The following TMEM135 variants were observed in gnomAD, a reference collection of about 807,000 sequenced individuals.
TMEM135 encodes transmembrane protein 135.
In TMEM135, 30 loss-of-function variants were observed where a neutral mutation model predicts 60.3. That is an observed-to-expected ratio of 0.50 (90% CI 0.37 to 0.68). The LOEUF is 0.68. TMEM135 is among the 30% of genes least tolerant of loss of function. The pLI is 0.00. For missense variants in TMEM135, 468 were observed against 548.8 expected, an observed-to-expected ratio of 0.85 and a Z score of 1.47; for synonymous variants, 190 against 186.7, an observed-to-expected ratio of 1.02 and a Z score of -0.14.
chr11:87,142,143 G>A (rs1308117919), intron 4 of TMEM135, among the ~76,000 whole-genome samples: 2 of 152,156 alleles, frequency 1.3e-5, no homozygotes, highest in Non-Finnish European at 2.9e-5. Context: ...GAGGGCATGG[G>A]CCACAGGTGG....
At chr11:87,064,070 T>C (rs1253023581) in intron 1 of TMEM135, among the ~76,000 whole-genome samples, 5 of 152,160 alleles carry the variant, frequency 3.3e-5, no homozygotes, top group African/African-American at 1.2e-4. Context: ...CACAATTTTA[T>C]ATTGTCATGA....
chr11:87,153,681 TCC>T (rs2135262781), intron 4 of TMEM135, among the ~76,000 whole-genome samples: 1 of 152,318 alleles, frequency 6.6e-6, no homozygotes, highest in African/African-American at 2.4e-5. Flanking sequence ...GCTTCCACTT[TCC>T]CCTAGATGTA....
chr11:87,226,176 G>T (rs2511093), intron 5 of TMEM135, among the ~76,000 whole-genome samples: 45,802 of 152,010 alleles, frequency 0.3, 7,793 homozygotes, highest in African/African-American at 0.46. Flanking sequence ...TTGGTAAATT[G>T]TAAACCTAAA....
At chr11:87,201,074 T>C (rs1386206699) in intron 5 of TMEM135, among the ~76,000 whole-genome samples, 1 of 152,192 alleles carries the variant, frequency 6.6e-6, no homozygotes, top group Non-Finnish European at 1.5e-5. Flanking sequence ...TTTTTTAATC[T>C]CAATTTCCAT....
chr11:87,319,640 C>T (rs1942788745), intron 14 of TMEM135, among the ~76,000 whole-genome samples: 1 of 151,028 alleles, frequency 6.6e-6, no homozygotes, highest in Non-Finnish European at 1.5e-5. Context: ...TTAAGTCTGA[C>T]TGTTTGAATC....
In TMEM135 at chr11:87,272,055, T is replaced by C. The variant is rs893395143; in HGVS notation, c.510-23727T>C. ...ATATTTCTTTCTTTTTCTTTTCTTT[T>C]TTTTTTTTTTTTTTTTAAGACAGAG... On this transcript the variant is annotated intron_variant, in intron 6 of 14. Transcript: ENST00000305494. 1.6e-4 allele frequency among the ~76,000 whole-genome samples: 22 copies of C among 141,682 alleles called. No individual in the cohort carries two copies. In the South Asian group the frequency reaches 2.8e-3, roughly 18 times the overall value. The allele number at this position is 141,682 out of a possible 152,430, so 92.9% of individuals were successfully genotyped here.
chr11:87,190,715 G>A (rs1396033158), intron 5 of TMEM135, among the ~76,000 whole-genome samples: 1 of 152,182 alleles, frequency 6.6e-6, no homozygotes, highest in Non-Finnish European at 1.5e-5. Flanking sequence ...GAGAAAGACA[G>A]CAGCAGATAT....
At chr11:87,188,921 A>ATG (rs763817287) in intron 5 of TMEM135, among the ~76,000 whole-genome samples, 17 of 152,150 alleles carry the variant, frequency 1.1e-4, no homozygotes, top group Non-Finnish European at 1.8e-4. Context: ...CATTTGGTAC[A>ATG]TGTGCCAGTT....
chr11:87,263,938 T>C (rs1803601470), intron 6 of TMEM135, among the ~76,000 whole-genome samples: 1 of 151,990 alleles, frequency 6.6e-6, no homozygotes, highest in African/African-American at 2.4e-5. Flanking sequence ...TACCACATTG[T>C]GATGGCAAGC....
At chr11:87,175,039 A>C (rs1292065122) in intron 5 of TMEM135, among the ~76,000 whole-genome samples, 1 of 152,144 alleles carries the variant, frequency 6.6e-6, no homozygotes, top group Non-Finnish European at 1.5e-5. Flanking sequence ...AGTTACTATT[A>C]ATATCTTGCT....
At position 87,327,399 on chromosome 11, in the gene TMEM135, T is replaced by A. The variant is rs1474265904; in HGVS notation, c.*6066T>A. On this transcript the variant is annotated 3_prime_UTR_variant, in exon 15 of 15. Transcript: ENST00000305494. ...CAGAAAAATAGAAAGAACCTGCTTC[T>A]GTGAGCCACTGAATGGTGCCATTAA... is the stretch of plus-strand genomic sequence containing the variant. The A allele has an allele frequency of 2.2e-6, 1 of 454,102 alleles. No individual in the cohort carries two copies. Among genetic ancestry groups the A allele is most frequent in the East Asian group, 7.0e-5 (1 of 14,388 alleles). 28.1% of individuals were successfully genotyped at this position (454,102 alleles called of 1,614,324 possible).
At chr11:87,315,175 TCTC>T (rs1357453365) in intron 12 of TMEM135, among the ~76,000 whole-genome samples, 11 of 151,274 alleles carry the variant, frequency 7.3e-5, no homozygotes, top group Non-Finnish European at 1.6e-4. Context: ...TCCTCTTCCT[TCTC>T]CTCCTCCTCC....
intron 6 of TMEM135, among the ~76,000 whole-genome samples, chr11:87,275,806 C>T (rs1678866792): frequency 6.6e-6 from 1 of 152,010 alleles, no homozygotes; most frequent in South Asian, 2.1e-4. Flanking sequence ...ATTACAGGCT[C>T]CCACCACCAC....
intron 12 of TMEM135, among the ~76,000 whole-genome samples, chr11:87,316,374 C>G (rs1337831298): frequency 6.6e-6 from 1 of 151,484 alleles, no homozygotes; most frequent in Non-Finnish European, 1.5e-5. Flanking sequence ...GGAGCCAGAC[C>G]ATCATGTAGG....
intron 4 of TMEM135, among the ~76,000 whole-genome samples, chr11:87,123,385 A>G (rs1937635585): frequency 6.6e-6 from 1 of 152,162 alleles, no homozygotes; most frequent in Non-Finnish European, 1.5e-5. Flanking sequence ...TACCTCTGTC[A>G]TCACATGGCC....
chr11:87,073,935 TG>T (rs948468658), intron 3 of TMEM135, among the ~76,000 whole-genome samples: 9 of 152,110 alleles, frequency 5.9e-5, no homozygotes, highest in Non-Finnish European at 1.0e-4. Context: ...TCCAAAGTGC[TG>T]GGATTACCTG....
chr11:87,222,161 G>A (rs1252055), intron 5 of TMEM135, among the ~76,000 whole-genome samples: 46,671 of 118,534 alleles, frequency 0.39, 10,462 homozygotes, highest in Non-Finnish European at 0.51. Context: ...CGGCCTGGGC[G>A]AAAGAGCGAG....
intron 4 of TMEM135, among the ~76,000 whole-genome samples, chr11:87,142,282 C>A (rs1591051449): frequency 6.6e-6 from 1 of 152,060 alleles, no homozygotes; most frequent in East Asian, 1.9e-4. Context: ...TGGAAATCAT[C>A]TTCAGGAAGT....
intron 12 of TMEM135, among the ~76,000 whole-genome samples, chr11:87,317,320 A>G (rs566518631): frequency 2.0e-4 from 31 of 152,228 alleles, no homozygotes; most frequent in African/African-American, 4.3e-4. Context: ...ATACAGCACA[A>G]TGTATCTCTA....
Sources: allele counts gnomAD v4.1 joint callset (sites outside exome capture counted in the v4.1 genomes callset), GRCh38; gene constraint gnomAD v4.1.1; transcripts MANE v1.5; gene names NCBI Gene and HGNC (gene_info 2026-07-23, HGNC 2026-07-21).